Variants in TNPO2 observed in about 807,000 individuals in gnomAD.
TNPO2 encodes the protein transportin-2.
Under a neutral mutation model 111.1 loss-of-function variants are expected in TNPO2, and 16 were observed. The observed-to-expected ratio is 0.14, with a 90% confidence interval of 0.10 to 0.22. The LOEUF is 0.22. Ranked by LOEUF, TNPO2 falls within the 10% of genes least tolerant of loss-of-function variation. The pLI, the probability that TNPO2 is intolerant of heterozygous loss-of-function variation, is 1.00. For missense variants in TNPO2, 530 were observed against 1,173.7 expected, an observed-to-expected ratio of 0.45 and a Z score of 8.01; for synonymous variants, 481 against 475.8, an observed-to-expected ratio of 1.01 and a Z score of -0.14.
Position 12,702,934 on chromosome 19 carries a change from G to C in TNPO2, c.2210-16C>G. On this transcript the variant is annotated splice_polypyrimidine_tract_variant and intron_variant, in intron 20 of 25. Coordinates refer to ENST00000425528, the MANE Select transcript of TNPO2 (RefSeq NM_001382241.1). The surrounding 1 kb of genome is among the most constrained non-coding windows in gnomAD (Gnocchi z 5.5). ...ATCTCTGCCCCTGGGGGAGCACCCAGTCAGAGCCCTGCACAGCCCCCGCCA... is the reference window on the plus strand; with the variant it reads ...ATCTCTGCCCCTGGGGGAGCACCCACTCAGAGCCCTGCACAGCCCCCGCCA... 5 of 1,612,612 alleles carry C rather than the reference G, an allele frequency of 3.1e-6. No homozygotes were observed. Among genetic ancestry groups the C allele is most frequent in the Middle Eastern group, 3.3e-4 (2 of 6,060 alleles).
chr19:12,703,926 TCCTTAA>T (rs2025476633), intron 18 of TNPO2, 125 bp from the exon 19 acceptor site: 2 of 805,254 alleles, frequency 2.5e-6, no homozygotes, highest in Admixed American at 2.9e-5. Context: ...TCCTAGCTGT[TCCTTAA>T]CCTCCCTAGC....
intron 13 of TNPO2, among the ~76,000 whole-genome samples, chr19:12,708,729 G>A (rs1400540444): frequency 1.3e-5 from 2 of 152,086 alleles, no homozygotes; most frequent in African/African-American, 4.8e-5. Flanking sequence ...AAATCAGCCA[G>A]GTGCGGTGGT....
intron 3 of TNPO2, among the ~76,000 whole-genome samples, chr19:12,720,528 C>A (rs953740073): frequency 6.6e-6 from 1 of 152,114 alleles, no homozygotes; most frequent in Non-Finnish European, 1.5e-5. Context: ...CCTATGTTGC[C>A]CAGGCTGGTC....
chr19:12,715,392 G>A lies in TNPO2; in HGVS notation c.566+13C>T, dbSNP rs2026308848. On this transcript the variant is annotated intron_variant, in intron 7 of 25. Coordinates refer to ENST00000425528, the MANE Select transcript of TNPO2 (RefSeq NM_001382241.1). This position sits in a 1 kb window ranked among gnomAD's most constrained non-coding sequence, Gnocchi z 7.1. ...TCCAGGCTCCCTGGAAGCCCCCAGG[G>A]AGCTGCACCCACCGGATCTTGGGAC... is the stretch of plus-strand genomic sequence containing the variant. 1 of 1,613,916 alleles carries A rather than the reference G, an allele frequency of 6.2e-7. No homozygotes were observed. The highest frequency in any genetic ancestry group is 8.5e-7 in the Non-Finnish European group (1 of 1,179,850).
chr19:12,709,314 A>G (rs546595093), intron 13 of TNPO2, among the ~76,000 whole-genome samples: 39 of 152,294 alleles, frequency 2.6e-4, no homozygotes, highest in Non-Finnish European at 4.4e-4. Flanking sequence ...GTGAGCCAAG[A>G]TCATGCCACT....
Position 12,702,980 on chromosome 19 carries a change from G to A in TNPO2, c.2210-62C>T. Reference sequence around the variant, plus strand: ...CGCCACCCACAGGGGCCAGGGGGCCGCCCCACCTCACTCACTACTCGCCCC... The same window carrying A: ...CGCCACCCACAGGGGCCAGGGGGCCACCCCACCTCACTCACTACTCGCCCC... On this transcript the variant is annotated intron_variant, in intron 20 of 25. Coordinates refer to ENST00000425528, the MANE Select transcript of TNPO2 (RefSeq NM_001382241.1). This position sits in a 1 kb window ranked among gnomAD's most constrained non-coding sequence, Gnocchi z 5.5. 1 of 1,473,696 alleles carries A rather than the reference G, an allele frequency of 6.8e-7. No homozygotes were observed. The highest frequency in any genetic ancestry group is 9.4e-7 in the Non-Finnish European group (1 of 1,060,148). 91.3% of individuals were successfully genotyped at this position (1,473,696 alleles called of 1,614,324 possible).
Position 12,702,387 on chromosome 19 carries a change from G to GTT in TNPO2, c.2306-212_2306-211dup. On this transcript the variant is annotated intron_variant, in intron 21 of 25. Coordinates refer to ENST00000425528, the MANE Select transcript of TNPO2 (RefSeq NM_001382241.1). The surrounding 1 kb of genome is among the most constrained non-coding windows in gnomAD (Gnocchi z 5.5). ...TTTCTTTCCTTTCCCTTTCCTTTTT[G>GTT]TTTTTTTTTGTTTTGTTTTGTTTTT... 2 of 667,048 alleles carry GTT rather than the reference G, an allele frequency of 3.0e-6. No individual in the cohort carries two copies. The highest frequency in any genetic ancestry group is 1.5e-5 in the South Asian group (1 of 64,560). 41.3% of individuals were successfully genotyped at this position (667,048 alleles called of 1,614,324 possible). A position where few individuals can be genotyped will look rare whatever the true frequency, so the allele number is the denominator to read the frequency against.
chr19:12,703,310 C>A, intron 20 of TNPO2, 118 bp downstream of exon 20: 1 of 879,894 alleles, frequency 1.1e-6, no homozygotes. Context: ...TTGGCTCCAC[C>A]CCTGACGACC....
intron 13 of TNPO2, among the ~76,000 whole-genome samples, chr19:12,709,260 G>C (rs1361816398): frequency 6.6e-6 from 1 of 151,792 alleles, no homozygotes; most frequent in Non-Finnish European, 1.5e-5. Context: ...TACTCAGGAG[G>C]CTGAGGCAGG....
At chr19:12,703,075 C>T in intron 20 of TNPO2, 157 bp from the exon 21 acceptor site, 1 of 672,070 alleles carries the variant, frequency 1.5e-6, no homozygotes, top group Admixed American at 2.8e-5. Flanking sequence ...TAATCCCCAC[C>T]CAGAATCCCT....
chr19:12,701,973 G>A lies in TNPO2; in HGVS notation c.2411+99C>T. On this transcript the variant is annotated intron_variant, in intron 22 of 25. Coordinates refer to ENST00000425528, the MANE Select transcript of TNPO2 (RefSeq NM_001382241.1). The surrounding 1 kb of genome is among the most constrained non-coding windows in gnomAD (Gnocchi z 5.0). The stretch of plus-strand genomic sequence containing the variant: ...GCATCTGTGGGGGTGGGGCAGGGCA[G>A]GGAGTCAGTAGGCAGATGGGGCTGG... The A allele has an allele frequency of 7.0e-7, 1 of 1,420,576 alleles. No homozygotes were observed. Among genetic ancestry groups the A allele is most frequent in the East Asian group, 2.3e-5 (1 of 43,772 alleles). The allele number at this position is 1,420,576 out of a possible 1,614,324, so 88.0% of individuals were successfully genotyped here.
rs1215621132 is a variant in TNPO2 at position 12,703,868 on chromosome 19, AC to A, written c.2023-68del. 6.4e-4 allele frequency: 881 copies of A among 1,385,322 alleles called. 9 individuals carry two copies. In the African/African-American group the frequency reaches 0.011, roughly 17 times the overall value. 85.8% of individuals were successfully genotyped at this position (1,385,322 alleles called of 1,614,324 possible). ...TTCTAACCAGGACAGCTCAGGGGGC[AC>A]AGTCCCTGGTGCATGTCCAGCCTCT... is the stretch of plus-strand genomic sequence containing the variant. On this transcript the variant is annotated intron_variant, in intron 18 of 25. Transcript: ENST00000425528.
At position 12,711,480 on chromosome 19, in the gene TNPO2, G is replaced by A. The variant is rs2026039395; in HGVS notation, c.952-19C>T. On this transcript the variant is annotated intron_variant, in intron 11 of 25. Transcript: ENST00000425528. ...CATCCCCCTGGGGGACAGGCAGACT[G>A]TTAAGTACTTTGGGGACCACAGCCG... 1.2e-6 allele frequency: 2 copies of A among 1,613,920 alleles called. No individual in the cohort carries two copies. The highest frequency in any genetic ancestry group is 1.7e-6 in the Non-Finnish European group (2 of 1,179,828).
At position 12,710,612 on chromosome 19, in the gene TNPO2, C is replaced by G. The variant is rs748006480; in HGVS notation, c.1270+9G>C. 7.4e-6 allele frequency: 12 copies of G among 1,612,190 alleles called. No individual in the cohort carries two copies. The highest frequency in any genetic ancestry group is 1.0e-5 in the Non-Finnish European group (12 of 1,179,314). On this transcript the variant is annotated intron_variant, in intron 13 of 25. Coordinates refer to ENST00000425528, the MANE Select transcript of TNPO2 (RefSeq NM_001382241.1). ...GCCAGCACAGGGCTCAGAGATCAGG[C>G]GCACTCACCCTCAGCAATGGCGCCC... is the stretch of plus-strand genomic sequence containing the variant.
chr19:12,710,064 C>T (rs2025952726), intron 13 of TNPO2, among the ~76,000 whole-genome samples: 1 of 152,102 alleles, frequency 6.6e-6, no homozygotes, highest in Non-Finnish European at 1.5e-5. Context: ...AGTTTTATGT[C>T]CCACCGGGAC....
At chr19:12,716,683 G>A (rs1359726876) in intron 5 of TNPO2, among the ~76,000 whole-genome samples, 1 of 152,116 alleles carries the variant, frequency 6.6e-6, no homozygotes, top group Non-Finnish European at 1.5e-5. Flanking sequence ...GACTAAGGGG[G>A]GAAATACAGC....
Position 12,719,126 on chromosome 19 carries a change from T to C in TNPO2, c.228A>G (p.Ala76=), listed in dbSNP as rs543639495. 6.2e-7 allele frequency: 1 copy of C among 1,613,992 alleles called. No individual in the cohort carries two copies. Among genetic ancestry groups the C allele is most frequent in the African/African-American group, 1.3e-5 (1 of 75,034 alleles). The stretch of plus-strand genomic sequence containing the variant: ...CAGGGGGTGGGAAGCTCTGATAGTG[T>C]GCCTTCACGTTGTTCTTGAGGATGA... ...SGLILKNNVK[A]HYQSFPPPVA... Residue 76 remains alanine, a synonymous_variant, in exon 5 of 26, where the codon GCA becomes GCG. Transcript: ENST00000425528. The surrounding 1 kb of genome is among the most constrained non-coding windows in gnomAD (Gnocchi z 5.0).
At position 12,706,334 on chromosome 19, in the gene TNPO2, C is replaced by T. The variant is rs376211206; in HGVS notation, c.1530G>A (p.Thr510=). 125 of 1,614,040 alleles carry T rather than the reference C, an allele frequency of 7.7e-5. No homozygotes were observed. The highest frequency in any genetic ancestry group is 1.0e-4 in the Non-Finnish European group (120 of 1,179,950). The change falls in exon 15 of 26, where the codon ACG becomes ACA. Residue 510 remains threonine, a synonymous_variant. Coordinates refer to ENST00000425528, the MANE Select transcript of TNPO2 (RefSeq NM_001382241.1). This position sits in a 1 kb window ranked among gnomAD's most constrained non-coding sequence, Gnocchi z 7.0. ...TGTAGCTGAGGTAGGGCACCAGCTC[C>T]GTGCAGGCCTCTTCCTCCAGGGTGG... ...AFATLEEEAC[T]ELVPYLSYIL... is the part of the protein sequence containing the mutation.
intron 10 of TNPO2, 39 bp downstream of exon 10, chr19:12,714,782 C>G (rs781515645): frequency 6.4e-7 from 1 of 1,563,698 alleles, no homozygotes; most frequent in Non-Finnish European, 8.8e-7. Context: ...AGCAAGGGGT[C>G]GAAGCTGGGG....
Sources: allele counts gnomAD v4.1 joint callset (sites outside exome capture counted in the v4.1 genomes callset), GRCh38; gene constraint gnomAD v4.1.1; non-coding constraint Gnocchi (gnomAD v3.1); transcripts MANE v1.5; gene names NCBI Gene and HGNC (gene_info 2026-07-23, HGNC 2026-07-21).